Variants in BBS9 observed in about 807,000 individuals in gnomAD.
The protein encoded by BBS9 is Bardet-Biedl syndrome 9.
BBS9 carries 89 observed loss-of-function variants against 117.7 expected under a neutral mutation model. The observed-to-expected ratio is 0.76, with a 90% CI of 0.64 to 0.90. The LOEUF (loss-of-function observed/expected upper bound fraction) is 0.90. Ranked by LOEUF, BBS9 falls within the 40% of genes least tolerant of loss-of-function variation. The probability of loss-of-function intolerance (pLI) is 0.00; values close to 1 mark genes in which losing one functional copy is unlikely to be tolerated. For synonymous variants in BBS9, 379 were observed against 370.9 expected (o/e 1.02, Z -0.25); for missense variants, 982 against 1,042.2 (o/e 0.94, Z 0.80).
intron 21 of BBS9, among the ~76,000 whole-genome samples, chr7:33,545,251 A>C (rs542758814): frequency 8.8e-4 from 134 of 152,148 alleles, no homozygotes; most frequent in Non-Finnish European, 1.7e-3. Flanking sequence ...AATTGTTACA[A>C]AGTTCAGCTA....
At chr7:33,295,749 A>G (rs1240870112) in intron 9 of BBS9, among the ~76,000 whole-genome samples, 1 of 152,046 alleles carries the variant, frequency 6.6e-6, no homozygotes, top group African/African-American at 2.4e-5. Flanking sequence ...AATGTGATTT[A>G]ATTACTATAC....
At chr7:33,291,303 T>C (rs987493369) in intron 9 of BBS9, among the ~76,000 whole-genome samples, 42 of 152,184 alleles carry the variant, frequency 2.8e-4, no homozygotes, top group Admixed American at 3.3e-4. Context: ...TCTGTTCTCT[T>C]AAGAAAAGTT....
chr7:33,158,658 T>C (rs1361078214), intron 4 of BBS9, among the ~76,000 whole-genome samples: 1 of 152,216 alleles, frequency 6.6e-6, no homozygotes, highest in Non-Finnish European at 1.5e-5. Context: ...TATTGGCTGC[T>C]GACACCTATG....
In BBS9 at chr7:33,155,718, A is replaced by G. The variant is rs749205665; in HGVS notation, c.328+16A>G. The G allele has an allele frequency of 9.2e-7, 1 of 1,085,596 alleles. No homozygotes were observed. Among genetic ancestry groups the G allele is most frequent in the South Asian group, 1.3e-5 (1 of 76,872 alleles). The allele number at this position is 1,085,596 out of a possible 1,614,324, so 67.2% of individuals were successfully genotyped here. ...TCTGTCTCAGGTAAGAAATATTTTT[A>G]CCAATGTAGAATTTATATTACAAAT... is the stretch of plus-strand genomic sequence containing the variant. On this transcript the variant is annotated intron_variant, in intron 4 of 22. Coordinates refer to ENST00000242067, the MANE Select transcript of BBS9 (RefSeq NM_198428.3).
chr7:33,382,888 C>T (rs1227280293), intron 17 of BBS9, among the ~76,000 whole-genome samples: 3 of 152,162 alleles, frequency 2.0e-5, no homozygotes, highest in Admixed American at 2.0e-4. Context: ...TGCTTTTGAT[C>T]TTTGGCAAGT....
intron 19 of BBS9, among the ~76,000 whole-genome samples, chr7:33,393,783 C>T (rs1170636492): frequency 6.6e-6 from 1 of 152,164 alleles, no homozygotes; most frequent in African/African-American, 2.4e-5. Flanking sequence ...GACCATCATC[C>T]TGCAGTTAGC....
intron 3 of BBS9, among the ~76,000 whole-genome samples, chr7:33,154,843 A>G (rs879656793): frequency 2.0e-5 from 3 of 152,190 alleles, no homozygotes; most frequent in Non-Finnish European, 4.4e-5. Flanking sequence ...CATAAAACCC[A>G]ATGCTTTCTG....
intron 4 of BBS9, among the ~76,000 whole-genome samples, chr7:33,158,777 A>G (rs1222761676): frequency 6.6e-6 from 1 of 152,142 alleles, no homozygotes; most frequent in East Asian, 1.9e-4. Flanking sequence ...TTGTTAAAAG[A>G]AAAACCTTAG....
intron 20 of BBS9, among the ~76,000 whole-genome samples, chr7:33,518,074 G>A: frequency 6.6e-6 from 1 of 152,096 alleles, no homozygotes; most frequent in East Asian, 1.9e-4. Context: ...TGTATTTACA[G>A]TATTGTATAG....
chr7:33,471,572 C>T, intron 19 of BBS9, among the ~76,000 whole-genome samples: 1 of 152,302 alleles, frequency 6.6e-6, no homozygotes, highest in East Asian at 1.9e-4. Flanking sequence ...GAAGGGCATT[C>T]TCATTAGTGA....
At chr7:33,381,005 C>G (rs776393420) in intron 17 of BBS9, 1 of 152,100 alleles carries the variant, frequency 6.6e-6, no homozygotes, top group Non-Finnish European at 1.5e-5. Flanking sequence ...TCTTTCACAC[C>G]GAGTTCTGCA....
At position 33,367,763 on chromosome 7, in the gene BBS9, G is replaced by A. The variant is rs1178458310; in HGVS notation, c.1694-4G>A. On this transcript the variant is annotated splice_region_variant and splice_polypyrimidine_tract_variant and intron_variant, in intron 16 of 22. Coordinates refer to ENST00000242067, the MANE Select transcript of BBS9 (RefSeq NM_198428.3). The stretch of plus-strand genomic sequence containing the variant: ...ATAAGGTGATTTCTCTCTTTTCTTT[G>A]TAGGTTTTGCCAGTCAGTCAGATGA... 1.9e-6 allele frequency: 3 copies of A among 1,613,454 alleles called. No homozygotes were observed. The highest frequency in any genetic ancestry group is 2.2e-5 in the East Asian group (1 of 44,798).
Position 33,294,331 on chromosome 7 carries a change from ATCTATCTATCTATCTATCTATC to A in BBS9, c.1016+20379_1016+20400del, listed in dbSNP as rs1448786103. ...TATCTATCTATCTATCTATCTATCT[ATCTATCTATCTATCTATCTATC>A]TCTTTGTCCATCCATCCATCCATCC... On this transcript the variant is annotated intron_variant, in intron 9 of 22. Coordinates refer to ENST00000242067, the MANE Select transcript of BBS9 (RefSeq NM_198428.3). 3.1e-3 allele frequency among the ~76,000 whole-genome samples: 454 copies of A among 144,202 alleles called. 14 individuals carry two copies. In the East Asian group the frequency reaches 0.078, roughly 25 times the overall value. 94.6% of individuals were successfully genotyped at this position (144,202 alleles called of 152,430 possible).
chr7:33,317,299 T>A (rs1158237325), intron 9 of BBS9, among the ~76,000 whole-genome samples: 1 of 152,178 alleles, frequency 6.6e-6, no homozygotes, highest in Non-Finnish European at 1.5e-5. Flanking sequence ...CCCCTCCATA[T>A]CTATTCCTCT....
At chr7:33,202,979 A>G (rs1004358990) in intron 5 of BBS9, among the ~76,000 whole-genome samples, 1 of 152,172 alleles carries the variant, frequency 6.6e-6, no homozygotes, top group African/African-American at 2.4e-5. Flanking sequence ...GTGGAAAACA[A>G]GGGGCTCCCC....
At chr7:33,635,037 G>A (rs952311097) in intron 21 of BBS9, among the ~76,000 whole-genome samples, 2 of 152,174 alleles carry the variant, frequency 1.3e-5, no homozygotes, top group Non-Finnish European at 2.9e-5. Flanking sequence ...GGTACCCAGT[G>A]TCCTTCCTTT....
At chr7:33,163,107 T>C (rs1429558892) in intron 4 of BBS9, among the ~76,000 whole-genome samples, 3 of 152,222 alleles carry the variant, frequency 2.0e-5, no homozygotes, top group Admixed American at 6.5e-5. Context: ...TTGTCATTGG[T>C]TCTGTTTATA....
intron 14 of BBS9, 155 bp downstream of exon 14, chr7:33,351,478 T>C (rs1390537610): frequency 1.4e-6 from 1 of 690,710 alleles, no homozygotes; most frequent in South Asian, 1.5e-5. Context: ...TACTTTTATG[T>C]GTTATGAGTA....
At chr7:33,183,682 T>A (rs537751509) in intron 5 of BBS9, among the ~76,000 whole-genome samples, 1 of 152,202 alleles carries the variant, frequency 6.6e-6, no homozygotes, top group Admixed American at 6.5e-5. Flanking sequence ...CTTGAGATAA[T>A]TTTTAGAGCT....
Sources: allele counts gnomAD v4.1 joint callset (sites outside exome capture counted in the v4.1 genomes callset), GRCh38; gene constraint gnomAD v4.1.1; transcripts MANE v1.5; gene names NCBI Gene and HGNC (gene_info 2026-07-23, HGNC 2026-07-21).